Variants in CROCC observed in about 807,000 individuals in gnomAD.
CROCC encodes the protein rootletin.
In CROCC, 180 loss-of-function variants were observed where a neutral mutation model predicts 245.2. That is an observed-to-expected ratio of 0.73 (90% CI 0.65 to 0.83). The LOEUF is 0.83. Ranked by LOEUF, CROCC falls within the 40% of genes least tolerant of loss-of-function variation. The probability of loss-of-function intolerance (pLI) is 0.00; values close to 1 mark genes in which losing one functional copy is unlikely to be tolerated. For synonymous variants in CROCC, 1,205 were observed against 1,241.6 expected (o/e 0.97, Z 0.62); for missense variants, 2,688 against 2,779.4 (o/e 0.97, Z 0.74).
At chr1:16,930,980 G>GT (rs1454943014) in intron 7 of CROCC, among the ~76,000 whole-genome samples, 10 of 152,288 alleles carry the variant, frequency 6.6e-5, no homozygotes, top group Non-Finnish European at 1.5e-4. Flanking sequence ...AATAAAGAGA[G>GT]TTTAAGTAAC....
intron 16 of CROCC, 38 bp from the exon 17 acceptor site, chr1:16,946,723 G>C (rs1233528368): frequency 1.3e-6 from 2 of 1,539,912 alleles, no homozygotes; most frequent in South Asian, 1.2e-5. Flanking sequence ...TGGGAGGGAC[G>C]CCCTGCTCAC....
At position 16,942,620 on chromosome 1, in the gene CROCC, CTGT is replaced by C. The variant is rs1479177488; in HGVS notation, c.1809-1473_1809-1471del. On this transcript the variant is annotated intron_variant, in intron 13 of 36. Coordinates refer to ENST00000375541, the MANE Select transcript of CROCC (RefSeq NM_014675.5). ...TGTCAAACTCATGCAATTCGGAACT[CTGT>C]TGTTGTAAGCTTGAGAGACTGGCTC... Among the ~76,000 whole-genome samples, 12 of 152,378 alleles carry C rather than the reference CTGT, an allele frequency of 7.9e-5. No homozygotes were observed. The East Asian group carries it at 2.1e-3, about 27-fold the overall frequency.
In CROCC at chr1:16,954,887, C is replaced by T. The variant is rs41272741; in HGVS notation, c.3465+10C>T. ...CTCCTGTCTTCGCGAGGTGAGCAGC[C>T]GCCCCCCTCTTCCAAGCAGCATACC... On this transcript the variant is annotated intron_variant, in intron 23 of 36. Coordinates refer to ENST00000375541, the MANE Select transcript of CROCC (RefSeq NM_014675.5). The surrounding 1 kb of genome is among the most constrained non-coding windows in gnomAD (Gnocchi z 4.4). 10,111 of 1,518,156 alleles carry T rather than the reference C, an allele frequency of 6.7e-3. 44 individuals are homozygous for T. The highest frequency in any genetic ancestry group is 0.02 in the Middle Eastern group (119 of 5,854). The allele number at this position is 1,518,156 out of a possible 1,614,324, so 94.0% of individuals were successfully genotyped here. A position where few individuals can be genotyped will look rare whatever the true frequency, so the allele number is the denominator to read the frequency against.
chr1:16,958,387 G>A (rs2076279925), intron 25 of CROCC, among the ~76,000 whole-genome samples, 196 bp from the exon 26 acceptor site: 1 of 152,188 alleles, frequency 6.6e-6, no homozygotes, highest in Non-Finnish European at 1.5e-5. Context: ...TGATTAAGTG[G>A]TAAACAGGCC....
chr1:16,968,766 G>C (rs2076462142), intron 31 of CROCC, among the ~76,000 whole-genome samples: 1 of 152,190 alleles, frequency 6.6e-6, no homozygotes, highest in Admixed American at 6.5e-5. Context: ...AGCCTTGCCT[G>C]AACACCCAAC....
chr1:16,958,792 CCAG>C (rs1238783219), intron 26 of CROCC, 42 bp downstream of exon 26: 1 of 1,536,918 alleles, frequency 6.5e-7, no homozygotes. Context: ...TTTCCTTCCC[CCAG>C]CAGGAAGCAG....
chr1:16,931,438 CCCTGCTCTTTATGT>C, intron 8 of CROCC, 41 bp downstream of exon 8: 2 of 1,535,632 alleles, frequency 1.3e-6, no homozygotes, highest in Non-Finnish European at 1.8e-6. Flanking sequence ...TGAGAGCCAG[CCCTGCTCTTTATGT>C]CCAACTGAAC....
chr1:16,940,806 A>C, intron 13 of CROCC: 1 of 347,192 alleles, frequency 2.9e-6, no homozygotes, highest in Non-Finnish European at 5.8e-6. Flanking sequence ...AGCTCACTGT[A>C]ACCTGGAACT....
upstream of CROCC, among the ~76,000 whole-genome samples, chr1:16,918,357 G>C (rs148441016): frequency 7.4e-6 from 1 of 134,298 alleles, no homozygotes; most frequent in East Asian, 2.3e-4. Flanking sequence ...ACACATACAC[G>C]AGGTTCAGAT....
intron 10 of CROCC, 31 bp downstream of exon 10, chr1:16,937,768 G>C (rs780715195): frequency 1.4e-5 from 21 of 1,538,988 alleles, no homozygotes; most frequent in Non-Finnish European, 8.1e-6. Context: ...AGATGGGGCA[G>C]GGTGAGATGG....
At chr1:16,948,110 C>T (rs892418949) in intron 17 of CROCC, among the ~76,000 whole-genome samples, 38 of 152,400 alleles carry the variant, frequency 2.5e-4, no homozygotes, top group East Asian at 1.3e-3. Flanking sequence ...ATTATAGGCA[C>T]GCACCACCGT....
chr1:16,924,786 C>T (rs531333017), intron 3 of CROCC, among the ~76,000 whole-genome samples: 10 of 152,270 alleles, frequency 6.6e-5, no homozygotes, highest in African/African-American at 1.7e-4. Flanking sequence ...GTGTGGGACA[C>T]GGAGAATGAG....
At chr1:16,921,157 A>G (rs1157948054), upstream of CROCC, among the ~76,000 whole-genome samples, 1 of 152,278 alleles carries the variant, frequency 6.6e-6, no homozygotes, top group Non-Finnish European at 1.5e-5. Flanking sequence ...ATACTGTTTC[A>G]TCCCCGGACG....
chr1:16,933,242 GACC>G (rs2075717254), intron 8 of CROCC, among the ~76,000 whole-genome samples: 1 of 152,262 alleles, frequency 6.6e-6, no homozygotes, highest in Non-Finnish European at 1.5e-5. Context: ...GAGGCGGGCG[GACC>G]ACCTGAGGTC....
chr1:16,937,316 G>C (rs1178780536), intron 9 of CROCC, among the ~76,000 whole-genome samples: 1 of 150,962 alleles, frequency 6.6e-6, no homozygotes, highest in Non-Finnish European at 1.5e-5. Flanking sequence ...TCACATCTCT[G>C]TATTCCGGCC....
At chr1:16,945,089 C>T (rs559392671) in intron 14 of CROCC, among the ~76,000 whole-genome samples, 1 of 152,400 alleles carries the variant, frequency 6.6e-6, no homozygotes, top group South Asian at 2.1e-4. Flanking sequence ...AAAAATTAGT[C>T]AGGCGTGGTG....
At chr1:16,917,129 A>G (rs2075314817), upstream of CROCC, among the ~76,000 whole-genome samples, 1 of 152,050 alleles carries the variant, frequency 6.6e-6, no homozygotes, top group Non-Finnish European at 1.5e-5. Context: ...AAAACAAAAC[A>G]AAACAAAAAA....
rs1281257007 is a variant in CROCC at position 16,929,854 on chromosome 1, G to C, written c.360G>C (p.Gln120His). Residue 120 changes from glutamine to histidine, a missense_variant, in exon 4 of 37, where the codon CAG becomes CAC. Gln to His is a conservative substitution (Grantham distance 24). Coordinates refer to ENST00000375541, the MANE Select transcript of CROCC (RefSeq NM_014675.5). ...KYNAVSERLE[Q>H]ALRLEPGELE... ...AGGGCCCTTCCCTGCAGCTGGAGCA[G>C]GCTCTGCGGCTGGAGCCTGGGGAGC... 2.6e-6 allele frequency: 4 copies of C among 1,561,526 alleles called. No individual in the cohort carries two copies. In the African/African-American group the frequency reaches 4.0e-5, roughly 16 times the overall value.
rs981415146 is a variant in CROCC, at chr1:16,969,240, C to T, written c.5201C>T (p.Ala1734Val). Residue 1734 changes from alanine to valine, a missense_variant, in exon 32 of 37, where the codon GCC (alanine) becomes GTC (valine). Ala to Val is a moderately conservative substitution (Grantham distance 64). Transcript: ENST00000375541. ...LRDKVRGLTE[A>V]LAQSSASLNS... ...GACAAGGTGCGGGGCCTGACAGAGGCCCTGGCCCAGAGCAGTGCCAGCCTC... is the reference window on the plus strand; with the variant it reads ...GACAAGGTGCGGGGCCTGACAGAGGTCCTGGCCCAGAGCAGTGCCAGCCTC... 6.2e-7 allele frequency: 1 copy of T among 1,613,448 alleles called. No individual in the cohort carries two copies. The highest frequency in any genetic ancestry group is 2.2e-5 in the East Asian group (1 of 44,872).
Sources: allele counts gnomAD v4.1 joint callset (sites outside exome capture counted in the v4.1 genomes callset), GRCh38; gene constraint gnomAD v4.1.1; non-coding constraint Gnocchi (gnomAD v3.1); transcripts MANE v1.5; gene names NCBI Gene and HGNC (gene_info 2026-07-23, HGNC 2026-07-21).